The following ABCA7 variants were observed in gnomAD, a reference collection of about 807,000 sequenced individuals.
ABCA7 encodes ATP binding cassette subfamily A member 7, also known as phospholipid-transporting ATPase ABCA7.
Under a neutral mutation model 227.6 loss-of-function variants are expected in ABCA7, and 261 were observed. The observed-to-expected ratio is 1.15, with a 90% CI of 1.04 to 1.27. ABCA7 has a LOEUF of 1.27. ABCA7 is among the 50% of genes most tolerant of loss of function. The pLI, the probability that ABCA7 is intolerant of heterozygous loss-of-function variation, is 0.00. For synonymous variants in ABCA7, 1,488 were observed against 1,279.7 expected, an observed-to-expected ratio of 1.16 and a Z score of -3.47; for missense variants, 3,331 against 2,924.5, an observed-to-expected ratio of 1.14 and a Z score of -3.21.
chr19:1,061,327 G>C (rs182827052), intron 40 of ABCA7, among the ~76,000 whole-genome samples: 201 of 150,866 alleles, frequency 1.3e-3, no homozygotes, highest in African/African-American at 4.5e-3. Context: ...AACCCAGGAG[G>C]TGGAGGTTGC....
chr19:1,051,393 CA>C, intron 20 of ABCA7, 55 bp from the exon 21 acceptor site: 1 of 715,856 alleles, frequency 1.4e-6, no homozygotes, highest in South Asian at 2.0e-5. Flanking sequence ...CGTGGGTAGG[CA>C]ACCTTGCCCA....
rs549551806 is a variant in ABCA7 at position 1,062,070 on chromosome 19, T to C, written c.5571-102T>C. 2.6e-6 allele frequency: 4 copies of C among 1,532,236 alleles called. No homozygotes were observed. In the African/African-American group the frequency reaches 4.1e-5, roughly 16 times the overall value. 94.9% of individuals were successfully genotyped at this position (1,532,236 alleles called of 1,614,324 possible). ...GGCCCTGAGACACCCCTGTCCCTTA[T>C]CAGCGTGGCCCTGGATGGGTGGGCC... On this transcript the variant is annotated intron_variant, in intron 41 of 46. Coordinates refer to ENST00000263094, the MANE Select transcript of ABCA7 (RefSeq NM_019112.4).
rs2040300527 is a variant in ABCA7, at chr19:1,043,783, T to C, written c.989T>C (p.Met330Thr). 1 of 1,612,168 alleles carries C rather than the reference T, an allele frequency of 6.2e-7. No homozygotes were observed. Among genetic ancestry groups the C allele is most frequent in the Admixed American group, 1.7e-5 (1 of 59,896 alleles). Residue 330 changes from methionine to threonine, a missense_variant, in exon 10 of 47, where the codon ATG becomes ACG. Met to Thr is a moderately conservative substitution (Grantham distance 81). Transcript: ENST00000263094. ...LLRDVREVWE[M>T]LGPRIFTFMN... ...AGGGATGTCCGGGAGGTGTGGGAGA[T>C]GCTGGGACCCCGGATCTTCACCTTC... is the stretch of plus-strand genomic sequence containing the variant.
chr19:1,046,402 G>A lies in ABCA7; in HGVS notation c.1618G>A (p.Asp540Asn), dbSNP rs768771428. The change falls in exon 13 of 47, where the codon GAC becomes AAC. Residue 540 changes from aspartate (D) to asparagine (N), a missense_variant. By Grantham distance (23) the Asp-to-Asn change is conservative. Transcript: ENST00000263094. ...QQMPYPCYVD[D>N]VFLRVLSRSL... is the part of the protein sequence containing the mutation. ...GATGCCCTATCCGTGCTATGTGGAC[G>A]ACGTGTGAGCTCTGGCACCCCTCCC... is the stretch of plus-strand genomic sequence containing the variant. 1.9e-6 allele frequency: 3 copies of A among 1,550,792 alleles called. No homozygotes were observed. The highest frequency in any genetic ancestry group is 1.2e-5 in the South Asian group (1 of 83,922).
chr19:1,046,441 G>A (rs764769005), intron 13 of ABCA7, 35 bp downstream of exon 13: 12 of 1,516,774 alleles, frequency 7.9e-6, no homozygotes, highest in Non-Finnish European at 1.1e-5. Context: ...TCTTCCCCGC[G>A]GCGGGAAGGT....
In ABCA7 at chr19:1,065,457, CCT is replaced by C. The variant is rs753525781; in HGVS notation, c.*33_*34del. 4 of 1,610,004 alleles carry C rather than the reference CCT, an allele frequency of 2.5e-6. No individual in the cohort carries two copies. Among genetic ancestry groups the C allele is most frequent in the Non-Finnish European group, 3.4e-6 (4 of 1,177,820 alleles). ...CTCCCCTGCGGGGCCGCGGGGAGGC[CCT>C]GGGAATGGCAAGGGCAAGGTAGAGT... On this transcript the variant is annotated 3_prime_UTR_variant, in exon 47 of 47. Transcript: ENST00000263094.
chr19:1,047,601 T>C lies in ABCA7; in HGVS notation c.2216T>C (p.Leu739Pro). The C allele has an allele frequency of 6.2e-7, 1 of 1,603,198 alleles. No individual in the cohort carries two copies. The change falls in exon 16 of 47, where the codon CTG becomes CCG. Residue 739 changes from leucine to proline, a missense_variant. By Grantham distance (98) the Leu-to-Pro change is moderately conservative. Coordinates refer to ENST00000263094, the MANE Select transcript of ABCA7 (RefSeq NM_019112.4). ...SLAQVSGLLL[L>P]DAALYGLATW... ...GCCCAGGTCTCTGGCCTTCTGCTGC[T>C]GGACGCGGCGCTCTACGGCCTCGCC... is the stretch of plus-strand genomic sequence containing the variant.
chr19:1,064,866 G>A, intron 45 of ABCA7, 65 bp from the exon 46 acceptor site: 4 of 1,508,100 alleles, frequency 2.7e-6, no homozygotes, highest in Non-Finnish European at 3.6e-6. Flanking sequence ...TTAGGGGCTG[G>A]AGGGTGAGCT....
chr19:1,044,446 C>G (rs899360475), intron 10 of ABCA7, 131 bp from the exon 11 acceptor site: 24 of 1,062,834 alleles, frequency 2.3e-5, no homozygotes, highest in Non-Finnish European at 2.9e-5. Context: ...TGGGCTTTCA[C>G]CATGTTGGCC....
At chr19:1,061,759 A>G (rs2042669755) in intron 40 of ABCA7, 23 bp from the exon 41 acceptor site, 1 of 1,604,756 alleles carries the variant, frequency 6.2e-7, no homozygotes, top group Non-Finnish European at 8.5e-7. Flanking sequence ...CTCACTGAGC[A>G]CCATCTGTGG....
chr19:1,041,426 C>G lies in ABCA7; in HGVS notation c.65C>G (p.Pro22Arg). 6.2e-7 allele frequency: 1 copy of G among 1,614,012 alleles called. No individual in the cohort carries two copies. The highest frequency in any genetic ancestry group is 8.5e-7 in the Non-Finnish European group (1 of 1,180,030). ...AATTTCATGTATCGCCGGAGACAGC[C>G]GGTAACGCCCCAGTGTGAGACCAGG... Reference protein sequence around the residue: ...WKNFMYRRRQPVQLLVELLWP... With the variant: ...WKNFMYRRRQRVQLLVELLWP... The change falls in exon 2 of 47, where the codon CCG becomes CGG. Residue 22 changes from proline to arginine, a missense_variant and splice_region_variant. Physicochemically the swap from Pro to Arg is moderately radical, Grantham distance 103 (BLOSUM62 -2). Coordinates refer to ENST00000263094, the MANE Select transcript of ABCA7 (RefSeq NM_019112.4).
chr19:1,052,212 A>G lies in ABCA7; in HGVS notation c.3148-2A>G. 3.1e-6 allele frequency: 5 copies of G among 1,588,746 alleles called. No homozygotes were observed. The highest frequency in any genetic ancestry group is 4.3e-6 in the Non-Finnish European group (5 of 1,168,696). ...AGCCACTTGGTGCCTCTCTGCCCGC[A>G]GGCTGACACTGACATGGAGGGCAGT... On this transcript the variant is annotated splice_acceptor_variant, in intron 22 of 46. Transcript: ENST00000263094. LOFTEE classifies it high-confidence loss of function.
chr19:1,046,521 T>A, intron 13 of ABCA7, 115 bp downstream of exon 13: 1 of 1,381,694 alleles, frequency 7.2e-7, no homozygotes, highest in Non-Finnish European at 9.7e-7. Flanking sequence ...ACTTTGCACC[T>A]TTACACCACT....
Position 1,061,825 on chromosome 19 carries a change from C to G in ABCA7, c.5507C>G (p.Thr1836Arg), listed in dbSNP as rs1450584823. The part of the protein sequence containing the change: ...LGVNGAGKTS[T>R]FRMVTGDTLA... ...GTGAATGGAGCAGGGAAGACGTCCA[C>G]GTTTCGCATGGTGACGGGGGACACA... Residue 1836 changes from threonine (T) to arginine (R), a missense_variant, in exon 41 of 47, where the codon ACG becomes AGG. Transcript: ENST00000263094. 6.2e-7 allele frequency: 1 copy of G among 1,610,888 alleles called. No individual in the cohort carries two copies. Among genetic ancestry groups the G allele is most frequent in the Admixed American group, 1.7e-5 (1 of 59,438 alleles).
chr19:1,056,206 C>A lies in ABCA7; in HGVS notation c.4379C>A (p.Ala1460Asp). The A allele has an allele frequency of 6.2e-7, 1 of 1,603,208 alleles. No individual in the cohort carries two copies. The highest frequency in any genetic ancestry group is 8.5e-7 in the Non-Finnish European group (1 of 1,176,398). Residue 1460 changes from alanine (A) to aspartate (D), a missense_variant, in exon 32 of 47, where the codon GCC becomes GAC. Coordinates refer to ENST00000263094, the MANE Select transcript of ABCA7 (RefSeq NM_019112.4). This position sits in a 1 kb window ranked among gnomAD's most constrained non-coding sequence, Gnocchi z 4.3. Reference sequence around the variant, plus strand: ...GACCGTGTCCTGAAAAACCTCACAGCCTGGGCTCACAGCCTGGATGCTCAG... The same window carrying A: ...GACCGTGTCCTGAAAAACCTCACAGACTGGGCTCACAGCCTGGATGCTCAG... ...ALDRVLKNLTAWAHSLDAQDS... is the reference protein window; with the variant it reads ...ALDRVLKNLTDWAHSLDAQDS...
In ABCA7 at chr19:1,043,139, T is replaced by C. The variant is rs757783242; in HGVS notation, c.678T>C (p.Ser226=). 64 of 1,612,338 alleles carry C rather than the reference T, an allele frequency of 4.0e-5. No individual in the cohort carries two copies. Among genetic ancestry groups the C allele is most frequent in the South Asian group, 3.7e-4 (34 of 91,042 alleles). Residue 226 remains serine, a synonymous_variant, in exon 8 of 47, where the codon AGT becomes AGC. Coordinates refer to ENST00000263094, the MANE Select transcript of ABCA7 (RefSeq NM_019112.4). The part of the protein sequence containing the change: ...PLELLSEALC[S]VRGPSSTVGP... The stretch of plus-strand genomic sequence containing the variant: ...AGTTGCTGTCAGAGGCCCTCTGCAG[T>C]GTCAGGGGACCTAGCAGCACAGTGG...
rs560065713 is a variant in ABCA7 at position 1,063,873 on chromosome 19, G to T, written c.5951+10G>T. ...TGCTCACCTCCCATAGGTGGGCCGGGCTCTGATGCCCTGGGCTGTGGTTAA... is the reference window on the plus strand; with the variant it reads ...TGCTCACCTCCCATAGGTGGGCCGGTCTCTGATGCCCTGGGCTGTGGTTAA... On this transcript the variant is annotated intron_variant, in intron 44 of 46. Transcript: ENST00000263094. 1.2e-5 allele frequency: 18 copies of T among 1,524,194 alleles called. No individual in the cohort carries two copies. In the South Asian group the frequency reaches 1.9e-4, roughly 16 times the overall value. 94.4% of individuals were successfully genotyped at this position (1,524,194 alleles called of 1,614,324 possible).
In ABCA7 at chr19:1,052,107, C is replaced by A. The variant is rs2041697150; in HGVS notation, c.3128C>A (p.Pro1043His). The change falls in exon 22 of 47, where the codon CCC becomes CAC. Residue 1043 changes from proline to histidine, a missense_variant. Transcript: ENST00000263094. ...YYLTLVKARLPLTTNEKADTD... is the reference protein window; with the variant it reads ...YYLTLVKARLHLTTNEKADTD... ...CTGACGCTGGTGAAGGCCCGCCTGC[C>A]CCTGACCACCAATGAGAAGGTGGGG... is the stretch of plus-strand genomic sequence containing the variant. 6.2e-7 allele frequency: 1 copy of A among 1,612,172 alleles called. No homozygotes were observed. The highest frequency in any genetic ancestry group is 1.3e-5 in the African/African-American group (1 of 74,814).
chr19:1,046,318 C>G lies in ABCA7; in HGVS notation c.1534C>G (p.Arg512Gly), dbSNP rs367592755. Residue 512 changes from arginine (R) to glycine (G), a missense_variant, in exon 13 of 47, where the codon CGT becomes GGT. Arg to Gly is a moderately radical substitution (Grantham distance 125). Coordinates refer to ENST00000263094, the MANE Select transcript of ABCA7 (RefSeq NM_019112.4). ...CGTGTACCTGCAAGACCTGGTGGAG[C>G]GTGCAGCCGTCCGCGTGCTCAGCGG... The part of the protein sequence containing the change: ...GFVYLQDLVE[R>G]AAVRVLSGAN... 55 of 1,603,986 alleles carry G rather than the reference C, an allele frequency of 3.4e-5. No individual in the cohort carries two copies. Among genetic ancestry groups the G allele is most frequent in the Admixed American group, 1.0e-4 (6 of 59,858 alleles).
Sources: allele counts gnomAD v4.1 joint callset (sites outside exome capture counted in the v4.1 genomes callset), GRCh38; gene constraint gnomAD v4.1.1; non-coding constraint Gnocchi (gnomAD v3.1); transcripts MANE v1.5; gene names NCBI Gene and HGNC (gene_info 2026-07-23, HGNC 2026-07-21).